The following SQOR variants were observed in gnomAD, a reference collection of about 807,000 sequenced individuals.
SQOR encodes the protein sulfide quinone oxidoreductase, also known as sulfide:quinone oxidoreductase, mitochondrial.
SQOR carries 39 observed loss-of-function variants against 48.6 expected under a neutral mutation model. The ratio of observed to expected loss-of-function variants is 0.80; its 90% CI spans 0.62 to 1.05. The LOEUF is 1.05. SQOR is among the 50% of genes least tolerant of loss of function. The pLI, the probability that SQOR is intolerant of heterozygous loss-of-function variation, is 0.00. For missense variants in SQOR, 561 were observed against 559.9 expected (o/e 1.00, Z -0.02); for synonymous variants, 220 against 206.2 (o/e 1.07, Z -0.57).
At chr15:45,643,236 C>A (rs1895137083) in intron 1 of SQOR, among the ~76,000 whole-genome samples, 1 of 152,164 alleles carries the variant, frequency 6.6e-6, no homozygotes, top group Non-Finnish European at 1.5e-5. Flanking sequence ...TGCTCTGTCA[C>A]CCAGGCTGGA....
At position 45,691,012 on chromosome 15, in the gene SQOR, T is replaced by C. The variant is rs757162668; in HGVS notation, c.1335T>C (p.Phe445=). 1 of 1,614,204 alleles carries C rather than the reference T, an allele frequency of 6.2e-7. No homozygotes were observed. Among genetic ancestry groups the C allele is most frequent in the South Asian group, 1.1e-5 (1 of 91,086 alleles). Residue 445 remains phenylalanine (F), a synonymous_variant, in exon 10 of 10, where the codon TTT becomes TTC. Coordinates refer to ENST00000260324, the MANE Select transcript of SQOR (RefSeq NM_021199.4). ...WGGPAFLRKL[F]HLGMS is the part of the protein sequence containing the mutation. ...GACCAGCGTTTCTGCGCAAGTTGTT[T>C]CATCTAGGTATGAGTTAAGGATGGC... is the stretch of plus-strand genomic sequence containing the variant.
intron 6 of SQOR, 114 bp downstream of exon 6, chr15:45,676,424 G>C (rs1566922230): frequency 9.2e-7 from 1 of 1,089,978 alleles, no homozygotes. Flanking sequence ...GGAAGACTGG[G>C]TGAAATGAGC....
intron 6 of SQOR, among the ~76,000 whole-genome samples, chr15:45,677,961 C>A (rs1412906780): frequency 6.6e-6 from 1 of 152,180 alleles, no homozygotes; most frequent in Non-Finnish European, 1.5e-5. Flanking sequence ...ACCTGCTCGG[C>A]CTCCTGAAGT....
At chr15:45,657,544 G>T (rs1889633410) in intron 1 of SQOR, among the ~76,000 whole-genome samples, 1 of 152,056 alleles carries the variant, frequency 6.6e-6, no homozygotes, top group African/African-American at 2.4e-5. Context: ...TACAGCTCTA[G>T]GTTGCTTCTC....
At chr15:45,635,510 C>T (rs1438379788) in intron 1 of SQOR, among the ~76,000 whole-genome samples, 1 of 152,140 alleles carries the variant, frequency 6.6e-6, no homozygotes, top group African/African-American at 2.4e-5. Flanking sequence ...GGGATTGACA[C>T]AGTCATCCAC....
At chr15:45,640,632 G>A (rs1895089242) in intron 1 of SQOR, among the ~76,000 whole-genome samples, 1 of 152,154 alleles carries the variant, frequency 6.6e-6, no homozygotes, top group African/African-American at 2.4e-5. Flanking sequence ...CTCACACACT[G>A]GATTCCAAGG....
chr15:45,685,708 C>T (rs984090804), intron 7 of SQOR, among the ~76,000 whole-genome samples: 1 of 152,316 alleles, frequency 6.6e-6, no homozygotes. Context: ...TGTCCTGCTG[C>T]TGTGGCCTCC....
intron 1 of SQOR, among the ~76,000 whole-genome samples, chr15:45,642,535 C>T (rs1895122825): frequency 6.6e-6 from 1 of 152,192 alleles, no homozygotes; most frequent in South Asian, 2.1e-4. Context: ...ATCAAATTGC[C>T]ATTGTCTGGG....
At chr15:45,659,715 A>G (rs72715085) in intron 2 of SQOR, among the ~76,000 whole-genome samples, 6,325 of 152,228 alleles carry the variant, frequency 0.042, 204 homozygotes, top group Middle Eastern at 0.065. Context: ...GCCACCATTC[A>G]TTGGATTTAT....
chr15:45,642,992 A>G (rs750014842), intron 1 of SQOR, among the ~76,000 whole-genome samples: 5 of 152,142 alleles, frequency 3.3e-5, no homozygotes, highest in African/African-American at 1.2e-4. Context: ...TTCTCCTCCA[A>G]CAGGAGGGTT....
intron 1 of SQOR, among the ~76,000 whole-genome samples, chr15:45,635,345 A>C (rs1026963856): frequency 6.6e-6 from 1 of 152,124 alleles, no homozygotes; most frequent in East Asian, 1.9e-4. Context: ...AGAGTGTCAG[A>C]GCCTCAGGGC....
chr15:45,641,195 G>A (rs943496578), intron 1 of SQOR, among the ~76,000 whole-genome samples: 8 of 152,296 alleles, frequency 5.3e-5, no homozygotes, highest in African/African-American at 1.7e-4. Context: ...TTGGTTTGGT[G>A]AAATTGTCAG....
intron 1 of SQOR, among the ~76,000 whole-genome samples, chr15:45,654,148 A>G (rs907347834): frequency 6.6e-6 from 1 of 151,638 alleles, no homozygotes; most frequent in Non-Finnish European, 1.5e-5. Context: ...GCATTAAAAA[A>G]TTATGATTCT....
At chr15:45,650,904 A>T (rs1889471972) in intron 1 of SQOR, among the ~76,000 whole-genome samples, 1 of 152,230 alleles carries the variant, frequency 6.6e-6, no homozygotes, top group Non-Finnish European at 1.5e-5. Flanking sequence ...AACTAGACGT[A>T]AAAGTTCTCC....
At position 45,682,585 on chromosome 15, in the gene SQOR, A is replaced by G. The variant is rs750581810; in HGVS notation, c.972A>G (p.Gln324=). ...GWVDVDKETL[Q]HRRYPNVFGI... ...TGGATGTGGATAAAGAAACTCTGCA[A>G]CACAGGAGGTACCCAAATGTGTTTG... Residue 324 remains glutamine, a synonymous_variant, in exon 7 of 10, where the codon CAA becomes CAG. Coordinates refer to ENST00000260324, the MANE Select transcript of SQOR (RefSeq NM_021199.4). The G allele has an allele frequency of 7.4e-6, 12 of 1,614,100 alleles. No homozygotes were observed. Among genetic ancestry groups the G allele is most frequent in the Non-Finnish European group, 5.1e-6 (6 of 1,180,046 alleles).
intron 1 of SQOR, among the ~76,000 whole-genome samples, chr15:45,643,221 A>G (rs1398000328): frequency 4.6e-5 from 7 of 152,100 alleles, no homozygotes; most frequent in Admixed American, 1.3e-4. Context: ...TTTGAGATGG[A>G]GTCTTGCTCT....
intron 1 of SQOR, among the ~76,000 whole-genome samples, chr15:45,638,610 A>G (rs1046484413): frequency 6.6e-6 from 1 of 152,066 alleles, no homozygotes; most frequent in African/African-American, 2.4e-5. Flanking sequence ...TGTAATTCCA[A>G]CTACTCAGGG....
At chr15:45,662,583 C>G (rs568531622) in intron 3 of SQOR, among the ~76,000 whole-genome samples, 77 of 152,306 alleles carry the variant, frequency 5.1e-4, no homozygotes, top group Middle Eastern at 3.4e-3. Flanking sequence ...TAGGGGAATC[C>G]TGTGACTCTG....
At chr15:45,663,040 C>T (rs1889749507) in intron 3 of SQOR, among the ~76,000 whole-genome samples, 2 of 152,058 alleles carry the variant, frequency 1.3e-5, no homozygotes, top group African/African-American at 2.4e-5. Flanking sequence ...TTTTTTGAGA[C>T]AGAGTCTCAC....
Sources: gnomAD v4.1 joint callset for allele counts (sites outside exome capture counted in the v4.1 genomes callset) on GRCh38, gnomAD v4.1.1 for gene constraint, MANE v1.5 for transcripts, NCBI Gene and HGNC (gene_info 2026-07-23, HGNC 2026-07-21) for gene names.